RASGRP3: variants seen among roughly 807,000 people sequenced by gnomAD.
The protein encoded by RASGRP3 is ras guanyl-releasing protein 3.
A neutral mutation model predicts 82.7 loss-of-function variants in RASGRP3; 54 were observed. The ratio of observed to expected loss-of-function variants is 0.65; its 90% CI spans 0.52 to 0.82. The LOEUF is 0.82. Ranked by LOEUF, RASGRP3 falls within the 40% of genes least tolerant of loss-of-function variation. The probability of loss-of-function intolerance (pLI) is 0.00; values close to 1 mark genes in which losing one functional copy is unlikely to be tolerated. For missense variants in RASGRP3, 861 were observed against 828.9 expected, an observed-to-expected ratio of 1.04 and a Z score of -0.48; for synonymous variants, 309 against 300.5, an observed-to-expected ratio of 1.03 and a Z score of -0.29.
chr2:33,450,777 T>A (rs1558395672), intron 2 of RASGRP3, among the ~76,000 whole-genome samples: 7 of 150,026 alleles, frequency 4.7e-5, no homozygotes, highest in Non-Finnish European at 1.0e-4. Flanking sequence ...CTATTTTAAA[T>A]GTTTTTTTCT....
intron 1 of RASGRP3, among the ~76,000 whole-genome samples, chr2:33,479,585 T>C (rs1442311022): frequency 6.6e-6 from 1 of 152,008 alleles, no homozygotes; most frequent in Admixed American, 6.6e-5. Context: ...AAGGGGTGGG[T>C]CACGGGGCAG....
chr2:33,516,186 G>T (rs1255569498), intron 3 of RASGRP3, among the ~76,000 whole-genome samples: 1 of 152,144 alleles, frequency 6.6e-6, no homozygotes, highest in Non-Finnish European at 1.5e-5. Context: ...GAGGTGGGCG[G>T]ATCATGAGGT....
At chr2:33,469,766 G>A (rs1046526307) in intron 2 of RASGRP3, among the ~76,000 whole-genome samples, 22 of 152,084 alleles carry the variant, frequency 1.4e-4, no homozygotes, top group African/African-American at 4.1e-4. Flanking sequence ...GCTGTACAGC[G>A]TTTTTATGTT....
chr2:33,455,751 T>C (rs892042007), intron 2 of RASGRP3, among the ~76,000 whole-genome samples: 1 of 152,208 alleles, frequency 6.6e-6, no homozygotes, highest in African/African-American at 2.4e-5. Context: ...AAAGAACGAA[T>C]GAATTGTATC....
At chr2:33,556,890 T>TACACACACACACACACACACAC (rs58614411) in intron 15 of RASGRP3, among the ~76,000 whole-genome samples, 5 of 130,864 alleles carry the variant, frequency 3.8e-5, no homozygotes, top group Non-Finnish European at 7.8e-5. Context: ...TACCCTAAAA[T>TACACACACACACACACACACAC]ACACACACAC....
chr2:33,537,318 A>ACACCAC lies in RASGRP3; in HGVS notation c.1162-1772_1162-1771insACCACC, dbSNP rs1265859119. Among the ~76,000 whole-genome samples the ACACCAC allele has an allele frequency of 1.5e-4, 6 of 40,604 alleles. No individual in the cohort carries two copies. In the South Asian group the frequency reaches 3.1e-3, roughly 21 times the overall value. The allele number at this position is 40,604 out of a possible 152,430, so 26.6% of individuals were successfully genotyped here. Reference sequence around the variant, plus strand: ...CTGTCTCTAAAATACACACACACACACACCGCCCCCCCCACACACACACAC... The same window carrying ACACCAC: ...CTGTCTCTAAAATACACACACACACACACCACCACCGCCCCCCCCACACACACACAC... On this transcript the variant is annotated intron_variant, in intron 11 of 17. Coordinates refer to ENST00000403687, the MANE Select transcript of RASGRP3 (RefSeq NM_001139488.2).
At chr2:33,503,139 T>C (rs1169544726) in intron 1 of RASGRP3, among the ~76,000 whole-genome samples, 1 of 152,216 alleles carries the variant, frequency 6.6e-6, no homozygotes, top group Non-Finnish European at 1.5e-5. Context: ...ACAAATTTAG[T>C]TGGGAACATT....
chr2:33,538,158 G>A (rs1362200230), intron 11 of RASGRP3, among the ~76,000 whole-genome samples: 1 of 152,194 alleles, frequency 6.6e-6, no homozygotes, highest in Non-Finnish European at 1.5e-5. Flanking sequence ...GGAGAACTCG[G>A]ATAGGATTTT....
intron 1 of RASGRP3, among the ~76,000 whole-genome samples, chr2:33,437,607 T>C (rs996500682): frequency 6.6e-6 from 1 of 152,160 alleles, no homozygotes; most frequent in Non-Finnish European, 1.5e-5. Context: ...CCCAAGAAGA[T>C]AGCAAAGCTG....
chr2:33,436,757 G>T (rs1157729908), intron 1 of RASGRP3, among the ~76,000 whole-genome samples: 1 of 152,128 alleles, frequency 6.6e-6, no homozygotes, highest in East Asian at 1.9e-4. Flanking sequence ...CCTTGGTTAT[G>T]ACATCTTCAG....
intron 1 of RASGRP3, among the ~76,000 whole-genome samples, chr2:33,493,584 A>C (rs1669046789): frequency 7.2e-6 from 1 of 139,650 alleles, no homozygotes; most frequent in Non-Finnish European, 1.5e-5. Flanking sequence ...GGTTTGTGCC[A>C]AGACCCATTT....
At chr2:33,519,881 A>G in intron 4 of RASGRP3, 71 bp from the exon 5 acceptor site, 2 of 1,071,556 alleles carry the variant, frequency 1.9e-6, no homozygotes, top group South Asian at 2.8e-5. Context: ...ATTGGTATAC[A>G]TTGAGGGCAC....
intron 2 of RASGRP3, among the ~76,000 whole-genome samples, chr2:33,452,169 C>A (rs1665835798): frequency 6.6e-6 from 1 of 152,162 alleles, no homozygotes; most frequent in Non-Finnish European, 1.5e-5. Context: ...TCTTATAGCT[C>A]ACTGAGCTCT....
At chr2:33,452,019 T>C (rs1665826170) in intron 2 of RASGRP3, among the ~76,000 whole-genome samples, 1 of 152,162 alleles carries the variant, frequency 6.6e-6, no homozygotes, top group African/African-American at 2.4e-5. Context: ...TGAAGCTCTC[T>C]ATGGAATTTT....
At chr2:33,447,427 T>C (rs907871653) in intron 1 of RASGRP3, among the ~76,000 whole-genome samples, 9 of 146,652 alleles carry the variant, frequency 6.1e-5, no homozygotes, top group African/African-American at 2.0e-4. Flanking sequence ...TGCCCCAACC[T>C]TGGAGTGTGC....
intron 14 of RASGRP3, among the ~76,000 whole-genome samples, chr2:33,552,422 T>C (rs762578720): frequency 6.6e-6 from 1 of 152,260 alleles, no homozygotes; most frequent in Non-Finnish European, 1.5e-5. Flanking sequence ...TATTCCTTGA[T>C]ACTTTGAGAG....
At chr2:33,497,847 C>T (rs1669470615) in intron 1 of RASGRP3, among the ~76,000 whole-genome samples, 1 of 152,096 alleles carries the variant, frequency 6.6e-6, no homozygotes, top group African/African-American at 2.4e-5. Flanking sequence ...ATGAATAATA[C>T]AGAGTAAGAA....
intron 10 of RASGRP3, among the ~76,000 whole-genome samples, chr2:33,527,638 G>A (rs1672711927): frequency 6.6e-6 from 1 of 152,218 alleles, no homozygotes; most frequent in African/African-American, 2.4e-5. Flanking sequence ...GAGGGGCCCA[G>A]TCTCTGCCAT....
chr2:33,474,321 G>C (rs757132626), upstream of RASGRP3, among the ~76,000 whole-genome samples: 14 of 152,104 alleles, frequency 9.2e-5, no homozygotes, highest in Non-Finnish European at 2.1e-4. Flanking sequence ...TCTCATGATA[G>C]TGAGTGAGTT....
Sources: allele counts gnomAD v4.1 joint callset (sites outside exome capture counted in the v4.1 genomes callset), GRCh38; gene constraint gnomAD v4.1.1; transcripts MANE v1.5; gene names NCBI Gene and HGNC (gene_info 2026-07-23, HGNC 2026-07-21).